The following ZMYND8 variants were observed in gnomAD, a reference collection of about 807,000 sequenced individuals.
ZMYND8 encodes MYND-type zinc finger-containing chromatin reader ZMYND8.
ZMYND8 carries 37 observed loss-of-function variants against 140.8 expected under a neutral mutation model. That is an observed-to-expected ratio of 0.26 (90% CI 0.20 to 0.35). ZMYND8 has a LOEUF of 0.35. Ranked by LOEUF, ZMYND8 falls within the 10% of genes least tolerant of loss-of-function variation. The pLI, the probability that ZMYND8 is intolerant of heterozygous loss-of-function variation, is 1.00. For synonymous variants in ZMYND8, 592 were observed against 597.1 expected (o/e 0.99, Z 0.12); for missense variants, 1,068 against 1,570.0 (o/e 0.68, Z 5.40).
At chr20:47,352,353 C>G (rs373567381) in intron 1 of ZMYND8, 6 of 694,392 alleles carry the variant, frequency 8.6e-6, no homozygotes, top group South Asian at 6.5e-5. Context: ...AGCCTGCAAA[C>G]AGCCACCAAA....
chr20:47,320,422 A>AGC (rs1240086095), intron 2 of ZMYND8: 6 of 152,438 alleles, frequency 3.9e-5, no homozygotes, highest in African/African-American at 1.4e-4. Flanking sequence ...GCCAGCCACC[A>AGC]CGTAAAGATG....
intron 2 of ZMYND8, among the ~76,000 whole-genome samples, chr20:47,316,317 C>T (rs1478146108): frequency 2.1e-5 from 3 of 145,168 alleles, no homozygotes; most frequent in Admixed American, 6.9e-5. Context: ...GGCAACAGAA[C>T]GAGACTTTGT....
intron 1 of ZMYND8, chr20:47,352,929 G>C (rs748375146): frequency 6.6e-6 from 1 of 152,236 alleles, no homozygotes; most frequent in South Asian, 2.1e-4. Flanking sequence ...TAACCAAAGG[G>C]TTCTGAAACA....
At chr20:47,334,537 T>A (rs1230345487) in intron 2 of ZMYND8, among the ~76,000 whole-genome samples, 1 of 151,324 alleles carries the variant, frequency 6.6e-6, no homozygotes, top group African/African-American at 2.4e-5. Flanking sequence ...GTATGAAGTT[T>A]CTTATTGGGG....
chr20:47,238,921 C>T lies in ZMYND8; in HGVS notation c.2502G>A (p.Val834=). Residue 834 remains valine (V), a synonymous_variant, in exon 15 of 23, where the codon GTG becomes GTA. Transcript: ENST00000471951. ...TTGATGAGTTCCACACGACCCGCTG[C>T]ACGGCCGGGGCAGTCTCCTTCGGTA... ...PLLPKETAPA[V]QRVVWNSSSK... 1 of 1,614,188 alleles carries T rather than the reference C, an allele frequency of 6.2e-7. No individual in the cohort carries two copies. Among genetic ancestry groups the T allele is most frequent in the African/African-American group, 1.3e-5 (1 of 75,070 alleles).
chr20:47,240,931 C>T (rs1159737459), intron 14 of ZMYND8, among the ~76,000 whole-genome samples: 10 of 152,238 alleles, frequency 6.6e-5, no homozygotes, highest in African/African-American at 2.2e-4. Flanking sequence ...CTTCAGCCTC[C>T]CGAATAGCTG....
intron 13 of ZMYND8, among the ~76,000 whole-genome samples, chr20:47,248,269 T>C (rs1233458673): frequency 6.6e-6 from 1 of 152,212 alleles, no homozygotes; most frequent in African/African-American, 2.4e-5. Flanking sequence ...AATAATAAAA[T>C]TCTTATTAGC....
intron 4 of ZMYND8, among the ~76,000 whole-genome samples, chr20:47,294,983 T>G (rs937667570): frequency 6.6e-6 from 1 of 152,236 alleles, no homozygotes; most frequent in Non-Finnish European, 1.5e-5. Flanking sequence ...ATCTATTTCC[T>G]TATCAGGAAG....
At chr20:47,277,460 C>G (rs1315931537) in intron 10 of ZMYND8, among the ~76,000 whole-genome samples, 1 of 152,150 alleles carries the variant, frequency 6.6e-6, no homozygotes, top group South Asian at 2.1e-4. Context: ...CAGTGGCCCC[C>G]GGGGGAGGTG....
chr20:47,303,168 G>A (rs77873437), intron 3 of ZMYND8, among the ~76,000 whole-genome samples: 1,944 of 152,152 alleles, frequency 0.013, 52 homozygotes, highest in African/African-American at 0.044. Context: ...GGGGTATGGG[G>A]GTGCTAAAGA....
chr20:47,252,332 C>A (rs986830620), intron 12 of ZMYND8, among the ~76,000 whole-genome samples: 3 of 147,720 alleles, frequency 2.0e-5, no homozygotes, highest in African/African-American at 7.6e-5. Flanking sequence ...TTAAAGAGTT[C>A]CAGTAGGCAG....
At chr20:47,310,780 C>T (rs951259343) in intron 2 of ZMYND8, among the ~76,000 whole-genome samples, 1 of 134,714 alleles carries the variant, frequency 7.4e-6, no homozygotes, top group Non-Finnish European at 1.5e-5. Context: ...GGCAAGCCTC[C>T]GACGTGAAAA....
At chr20:47,217,320 T>G (rs989810489) in intron 21 of ZMYND8, among the ~76,000 whole-genome samples, 1 of 152,190 alleles carries the variant, frequency 6.6e-6, no homozygotes, top group African/African-American at 2.4e-5. Flanking sequence ...TAAGTATACC[T>G]GACATATGGT....
intron 9 of ZMYND8, among the ~76,000 whole-genome samples, chr20:47,283,201 AT>A (rs2076717327): frequency 6.6e-6 from 1 of 152,162 alleles, no homozygotes; most frequent in African/African-American, 2.4e-5. Context: ...CCAGGGAAGT[AT>A]TTTCAAACCT....
chr20:47,238,482 C>CA (rs1245804017), intron 15 of ZMYND8: 1 of 535,002 alleles, frequency 1.9e-6, no homozygotes, highest in East Asian at 3.6e-5. Context: ...AACGGGATAA[C>CA]AGACTTTTAT....
chr20:47,306,530 A>C (rs778438050), intron 3 of ZMYND8, among the ~76,000 whole-genome samples: 1 of 152,156 alleles, frequency 6.6e-6, no homozygotes, highest in Non-Finnish European at 1.5e-5. Context: ...TCACATGGTA[A>C]TAAAACATCT....
intron 4 of ZMYND8, among the ~76,000 whole-genome samples, chr20:47,297,799 T>C (rs2077737550): frequency 6.6e-6 from 1 of 152,014 alleles, no homozygotes; most frequent in Admixed American, 6.6e-5. Context: ...TTTCAGCAAT[T>C]CCAAAAAAAC....
intron 13 of ZMYND8, among the ~76,000 whole-genome samples, chr20:47,248,762 TC>T (rs2073930998): frequency 6.6e-6 from 1 of 152,120 alleles, no homozygotes; most frequent in Admixed American, 6.5e-5. Context: ...AGGGGAGACT[TC>T]CTGGAGGAGG....
Position 47,347,377 on chromosome 20 carries a change from G to A in ZMYND8, c.85+479C>T, listed in dbSNP as rs983859077. On this transcript the variant is annotated intron_variant, in intron 2 of 22. Transcript: ENST00000471951. The stretch of plus-strand genomic sequence containing the variant: ...TAATTTGCTAAATTTTGAACTAAAT[G>A]CAAACACTGGCCCCGGCATCCCAGC... Among the ~76,000 whole-genome samples the A allele has an allele frequency of 2.6e-5, 4 of 152,166 alleles. No homozygotes were observed. In the East Asian group the frequency reaches 7.7e-4, roughly 29 times the overall value.
Sources: gnomAD v4.1 joint callset for allele counts (sites outside exome capture counted in the v4.1 genomes callset) on GRCh38, gnomAD v4.1.1 for gene constraint, MANE v1.5 for transcripts, NCBI Gene and HGNC (gene_info 2026-07-23, HGNC 2026-07-21) for gene names.